The following ATP1B4 variants were observed in gnomAD, a reference collection of about 807,000 sequenced individuals.
ATP1B4 encodes the protein ATPase Na+/K+ transporting family member beta 4.
Under a neutral mutation model 29.6 loss-of-function variants are expected in ATP1B4, and 32 were observed. That is an observed-to-expected ratio of 1.08 (90% CI 0.82 to 1.45). The LOEUF (loss-of-function observed/expected upper bound fraction) is 1.45. Among genes scored for constraint, ATP1B4 ranks in the 40% most tolerant of loss-of-function variants. ATP1B4 has a pLI of 0.00. For missense variants in ATP1B4, 323 were observed against 276.2 expected (o/e 1.17, Z -1.20); for synonymous variants, 127 against 102.1 (o/e 1.24, Z -1.47).
At chrX:120,371,043 A>G (rs1371365160) in intron 3 of ATP1B4, 63 bp from the exon 4 acceptor site, 2 of 1,075,005 alleles carry the variant, frequency 1.9e-6, no homozygotes, top group African/African-American at 1.8e-5. Flanking sequence ...TTTCATGGGA[A>G]TCAATACAAA....
In ATP1B4 at chrX:120,381,368, A is replaced by G. The variant is rs1417368535; in HGVS notation, c.*1734A>G. The G allele has an allele frequency of 8.9e-6, 1 of 112,358 alleles. No homozygotes were observed. The highest frequency in any genetic ancestry group is 1.9e-5 in the Non-Finnish European group (1 of 53,257). 9.3% of individuals were successfully genotyped at this position (112,358 alleles called of 1,213,427 possible). On this transcript the variant is annotated 3_prime_UTR_variant, in exon 8 of 8. Transcript: ENST00000218008. ...GAAAGAGGACTTTGAGTTTTATCCAATAGGTGAAAATGAGTAATTAAAGCA... is the reference window on the plus strand; with the variant it reads ...GAAAGAGGACTTTGAGTTTTATCCAGTAGGTGAAAATGAGTAATTAAAGCA...
rs1385591795 is a variant in ATP1B4 at position 120,380,605 on chromosome X, G to T, written c.*971G>T. The T allele has an allele frequency of 8.9e-6, 1 of 112,049 alleles. No individual in the cohort carries two copies. Among genetic ancestry groups the T allele is most frequent in the African/African-American group, 3.2e-5 (1 of 30,819 alleles). The allele number at this position is 112,049 out of a possible 1,213,427, so 9.2% of individuals were successfully genotyped here. A position where few individuals can be genotyped will look rare whatever the true frequency, so the allele number is the denominator to read the frequency against. ...CAGCTTCAGGCAGAGGAGACAACAT[G>T]GAAGAAGATTCCCACCAGCTAATTC... On this transcript the variant is annotated 3_prime_UTR_variant, in exon 8 of 8. Transcript: ENST00000218008.
intron 2 of ATP1B4, among the ~76,000 whole-genome samples, chrX:120,369,851 C>G (rs2058304250): frequency 8.9e-6 from 1 of 112,304 alleles, no homozygotes; most frequent in Non-Finnish European, 1.9e-5. Flanking sequence ...GTAAGTACCA[C>G]TATTGTACAG....
rs944686318 is a variant in ATP1B4 at position 120,362,286 on chromosome X, G to C, written c.63+55G>C. 16 of 1,076,509 alleles carry C rather than the reference G, an allele frequency of 1.5e-5. No individual in the cohort carries two copies. In the African/African-American group the frequency reaches 2.9e-4, roughly 20 times the overall value. The allele number at this position is 1,076,509 out of a possible 1,213,427, so 88.7% of individuals were successfully genotyped here. A position where few individuals can be genotyped will look rare whatever the true frequency, so the allele number is the denominator to read the frequency against. On this transcript the variant is annotated intron_variant, in intron 1 of 7. Coordinates refer to ENST00000218008, the MANE Select transcript of ATP1B4 (RefSeq NM_001142447.3). Reference sequence around the variant, plus strand: ...GCCCCCTCCCCTTTTATTTTAATGGGGTGGGTTGGGGGCTGTGTAGACCTT... The same window carrying C: ...GCCCCCTCCCCTTTTATTTTAATGGCGTGGGTTGGGGGCTGTGTAGACCTT...
intron 3 of ATP1B4, 64 bp from the exon 4 acceptor site, chrX:120,371,042 A>G (rs1190884751): frequency 2.8e-6 from 3 of 1,068,051 alleles, no homozygotes; most frequent in Non-Finnish European, 3.9e-6. Flanking sequence ...GTTTCATGGG[A>G]ATCAATACAA....
In ATP1B4 at chrX:120,382,913, T is replaced by G. The variant is rs923662536; in HGVS notation, c.*3279T>G. ...GGATATGATAATATATTCATTAAAG[T>G]TATGTTCTAACTGTTCAATAGACTT... On this transcript the variant is annotated 3_prime_UTR_variant, in exon 8 of 8. Transcript: ENST00000218008. The G allele has an allele frequency of 8.9e-6, 1 of 112,329 alleles. No individual in the cohort carries two copies. The highest frequency in any genetic ancestry group is 3.2e-5 in the African/African-American group (1 of 30,927). 9.3% of individuals were successfully genotyped at this position (112,329 alleles called of 1,213,427 possible). A position where few individuals can be genotyped will look rare whatever the true frequency, so the allele number is the denominator to read the frequency against.
Position 120,380,752 on chromosome X carries a change from G to A in ATP1B4, c.*1118G>A, listed in dbSNP as rs1360960641. On this transcript the variant is annotated 3_prime_UTR_variant, in exon 8 of 8. Transcript: ENST00000218008. ...TAATCTGTCAATGAATACATGACAA[G>A]ACAGAACGTTCCTTGCCAGGCCAGG... 2 of 112,391 alleles carry A rather than the reference G, an allele frequency of 1.8e-5. No homozygotes were observed. The highest frequency in any genetic ancestry group is 2.8e-4 in the East Asian group (1 of 3,580). 9.3% of individuals were successfully genotyped at this position (112,391 alleles called of 1,213,427 possible).
At chrX:120,371,234 G>A (rs2058312025) in intron 4 of ATP1B4, 24 bp downstream of exon 4, 2 of 1,142,309 alleles carry the variant, frequency 1.8e-6, no homozygotes, top group Admixed American at 2.2e-5. Context: ...TCTGAATAGT[G>A]GAAAGCTCTT....
intron 7 of ATP1B4, among the ~76,000 whole-genome samples, chrX:120,379,194 C>G (rs1209060394): frequency 8.9e-6 from 1 of 111,738 alleles, no homozygotes; most frequent in Admixed American, 9.5e-5. Flanking sequence ...TGGTTTAATT[C>G]ATGGTCTGAT....
rs902815044 is a variant in ATP1B4 at position 120,376,710 on chromosome X, A to G, written c.816+274A>G. On this transcript the variant is annotated intron_variant, in intron 6 of 7. Coordinates refer to ENST00000218008, the MANE Select transcript of ATP1B4 (RefSeq NM_001142447.3). ...GAAAACCAAAGACTGAACTTCAGCT[A>G]AGGGCCACAGCAGGGAACAACAATG... is the stretch of plus-strand genomic sequence containing the variant. Among the ~76,000 whole-genome samples, 3 of 112,288 alleles carry G rather than the reference A, an allele frequency of 2.7e-5. No homozygotes were observed. The East Asian group carries it at 8.3e-4, about 31-fold the overall frequency.
rs1239382324 is a variant in ATP1B4 at position 120,363,011 on chromosome X, A to G, written c.63+780A>G. Among the ~76,000 whole-genome samples the G allele has an allele frequency of 2.7e-5, 3 of 112,504 alleles. 1 individual carries two copies. Among genetic ancestry groups the G allele is most frequent in the African/African-American group, 9.7e-5 (3 of 30,973 alleles). On this transcript the variant is annotated intron_variant, in intron 1 of 7. Transcript: ENST00000218008. Reference sequence around the variant, plus strand: ...CATTTATTTCCAGGGTGTATTACAAATTATTTGATCCAAAAGTTTATTTGC... The same window carrying G: ...CATTTATTTCCAGGGTGTATTACAAGTTATTTGATCCAAAAGTTTATTTGC...
At chrX:120,377,474 C>G (rs917156320) in intron 6 of ATP1B4, among the ~76,000 whole-genome samples, 5 of 111,894 alleles carry the variant, frequency 4.5e-5, no homozygotes, top group African/African-American at 1.6e-4. Context: ...ACAAACTATC[C>G]GAACTGATTC....
chrX:120,366,881 T>C, intron 2 of ATP1B4, 92 bp downstream of exon 2: 2 of 1,122,078 alleles, frequency 1.8e-6, no homozygotes, highest in Non-Finnish European at 2.4e-6. Flanking sequence ...GATGGGCTTG[T>C]CTGCAAACTT....
chrX:120,365,652 T>G, intron 1 of ATP1B4, among the ~76,000 whole-genome samples: 1 of 112,693 alleles, frequency 8.9e-6, no homozygotes, highest in Non-Finnish European at 1.9e-5. Flanking sequence ...CTCTGGCCTG[T>G]GGCTGGGAGG....
intron 1 of ATP1B4, 80 bp downstream of exon 1, chrX:120,362,311 T>C: frequency 1.1e-6 from 1 of 928,406 alleles, no homozygotes; most frequent in Middle Eastern, 2.8e-4. Flanking sequence ...GTGTAGACCT[T>C]GGTTTACGGC....
chrX:120,366,189 T>C (rs991240511), intron 1 of ATP1B4, among the ~76,000 whole-genome samples: 1 of 111,626 alleles, frequency 9.0e-6, no homozygotes, highest in Admixed American at 9.5e-5. Flanking sequence ...TCACCTCTAC[T>C]CTGATAGGAC....
intron 1 of ATP1B4, among the ~76,000 whole-genome samples, chrX:120,363,796 C>T (rs970430627): frequency 8.9e-6 from 1 of 112,137 alleles, no homozygotes; most frequent in African/African-American, 3.2e-5. Flanking sequence ...GAGGGTAGTG[C>T]CACTTTAGGA....
intron 7 of ATP1B4, among the ~76,000 whole-genome samples, chrX:120,379,246 C>G (rs929638531): frequency 1.8e-5 from 2 of 111,704 alleles, no homozygotes; most frequent in African/African-American, 6.5e-5. Flanking sequence ...ATTGGTTTTT[C>G]CCAGAGGACA....
At position 120,383,029 on chromosome X, in the gene ATP1B4, C is replaced by T; in HGVS notation, c.*3395C>T. 1 of 112,123 alleles carries T rather than the reference C, an allele frequency of 8.9e-6. No individual in the cohort carries two copies. Among genetic ancestry groups the T allele is most frequent in the South Asian group, 3.7e-4 (1 of 2,701 alleles). The allele number at this position is 112,123 out of a possible 1,213,427, so 9.2% of individuals were successfully genotyped here. On this transcript the variant is annotated 3_prime_UTR_variant, in exon 8 of 8. Coordinates refer to ENST00000218008, the MANE Select transcript of ATP1B4 (RefSeq NM_001142447.3). ...GTTGCAATGCACTTGGTTTTACTTG[C>T]TTGTCAATGAGAAATACTACTTCCA...
Sources: allele counts gnomAD v4.1 joint callset (sites outside exome capture counted in the v4.1 genomes callset), GRCh38; gene constraint gnomAD v4.1.1; transcripts MANE v1.5; gene names NCBI Gene and HGNC (gene_info 2026-07-23, HGNC 2026-07-21).